Variants in BNIP5 observed in about 807,000 individuals in gnomAD.
BNIP5 encodes BCL2 interacting protein 5, also known as protein BNIP5.
A neutral mutation model predicts 67.3 loss-of-function variants in BNIP5; 61 were observed. The ratio of observed to expected loss-of-function variants is 0.91; its 90% confidence interval spans 0.74 to 1.12. The LOEUF (loss-of-function observed/expected upper bound fraction) is 1.12. Among genes scored for constraint, BNIP5 ranks in the 50% most tolerant of loss-of-function variants. The pLI, the probability that BNIP5 is intolerant of heterozygous loss-of-function variation, is 0.00. For synonymous variants in BNIP5, 317 were observed against 319.0 expected, an observed-to-expected ratio of 0.99 and a Z score of 0.07; for missense variants, 826 against 816.3, an observed-to-expected ratio of 1.01 and a Z score of -0.14.
At chr6:36,321,057 C>T in intron 10 of BNIP5, 98 bp downstream of exon 10, 2 of 726,060 alleles carry the variant, frequency 2.8e-6, no homozygotes, top group Non-Finnish European at 4.8e-6. Flanking sequence ...GGTTAAGGGA[C>T]ATGCTCAAAG....
At chr6:36,325,443 G>C in intron 5 of BNIP5, 29 bp from the exon 6 acceptor site, 2 of 1,594,764 alleles carry the variant, frequency 1.3e-6, no homozygotes, top group Non-Finnish European at 1.7e-6. Context: ...ACGAGGGTGT[G>C]TTTTGTCTGT....
At chr6:36,324,035 A>C (rs1356932434) in intron 7 of BNIP5, 94 bp downstream of exon 7, 6 of 907,060 alleles carry the variant, frequency 6.6e-6, no homozygotes, top group African/African-American at 3.3e-5. Context: ...GGAGCAGGAC[A>C]CAGAAGAGCA....
chr6:36,327,111 G>A lies in BNIP5; in HGVS notation c.728-17C>T. The A allele has an allele frequency of 6.2e-7, 1 of 1,609,076 alleles. No homozygotes were observed. Among genetic ancestry groups the A allele is most frequent in the Non-Finnish European group, 8.5e-7 (1 of 1,175,454 alleles). On this transcript the variant is annotated splice_polypyrimidine_tract_variant and intron_variant, in intron 3 of 11. Transcript: ENST00000437635. The stretch of plus-strand genomic sequence containing the variant: ...TAGCATCCTCTGGAAGAAAGCAAAT[G>A]CATCCGGTTATTCTTTCTAAATGCA...
Position 36,321,219 on chromosome 6 carries a change from T to C in BNIP5, c.1604A>G (p.Lys535Arg), listed in dbSNP as rs374124518. The change falls in exon 10 of 12, where the codon AAG (lysine) becomes AGG (arginine). Residue 535 changes from lysine (K) to arginine (R), a missense_variant and splice_region_variant. By Grantham distance (26) the Lys-to-Arg change is conservative (BLOSUM62 2). Transcript: ENST00000437635. ...CACAAGCTTCTGGATGATGATCTCC[T>C]CTAAGGAAAAGAAAGGAGGATTGAG... ...APQLSGACES[K>R]EIIIQKLVAL... 13 of 1,594,104 alleles carry C rather than the reference T, an allele frequency of 8.2e-6. No individual in the cohort carries two copies. Among genetic ancestry groups the C allele is most frequent in the Non-Finnish European group, 1.1e-5 (13 of 1,169,322 alleles).
At chr6:36,321,764 G>A (rs1314188783) in intron 9 of BNIP5, among the ~76,000 whole-genome samples, 1 of 152,202 alleles carries the variant, frequency 6.6e-6, no homozygotes, top group Non-Finnish European at 1.5e-5. Flanking sequence ...CTGGAGTGCA[G>A]TGGCGCGATC....
rs762369495 is a variant in BNIP5 at position 36,330,199 on chromosome 6, G to A, written c.492C>T (p.His164=). 41 of 1,614,002 alleles carry A rather than the reference G, an allele frequency of 2.5e-5. No individual in the cohort carries two copies. The highest frequency in any genetic ancestry group is 1.7e-4 in the Admixed American group (10 of 59,984). The change falls in exon 2 of 12, where the codon CAC becomes CAT. Residue 164 remains histidine, a synonymous_variant. Coordinates refer to ENST00000437635, the MANE Select transcript of BNIP5 (RefSeq NM_001010903.5). ...GAGCTGCCTTAGTCACCTCGGCCGC[G>A]TGTTTCTTGTGACCTTGCTTCTTGC... ...PSRKKQGHKK[H]AAEVTKAAQD... is the part of the protein sequence containing the mutation.
Position 36,325,311 on chromosome 6 carries a change from C to T in BNIP5, c.1140G>A (p.Glu380=). The T allele has an allele frequency of 6.2e-7, 1 of 1,614,190 alleles. No homozygotes were observed. The highest frequency in any genetic ancestry group is 8.5e-7 in the Non-Finnish European group (1 of 1,180,022). ...ATTCCGAGGCTCTGTCCAGCGGAAG[C>T]TCCTCTCCAGGTTCCTGGCTCTCTG... ...TPSESQEPGE[E]LPLDRASEYK... Residue 380 remains glutamate, a synonymous_variant, in exon 6 of 12, where the codon GAG becomes GAA. Transcript: ENST00000437635.
chr6:36,331,837 C>T (rs949852323), intron 1 of BNIP5, among the ~76,000 whole-genome samples: 1 of 152,052 alleles, frequency 6.6e-6, no homozygotes, highest in African/African-American at 2.4e-5. Flanking sequence ...TCCTTTCTTT[C>T]TTTTACCCCC....
chr6:36,327,076 A>C lies in BNIP5; in HGVS notation c.746T>G (p.Met249Arg). 4.3e-6 allele frequency: 7 copies of C among 1,614,098 alleles called. No individual in the cohort carries two copies. The highest frequency in any genetic ancestry group is 5.9e-6 in the Non-Finnish European group (7 of 1,179,920). Residue 249 changes from methionine (M) to arginine (R), a missense_variant, in exon 4 of 12, where the codon ATG (methionine) becomes AGG (arginine). Coordinates refer to ENST00000437635, the MANE Select transcript of BNIP5 (RefSeq NM_001010903.5). Reference sequence around the variant, plus strand: ...CACTCTTTTGAGCAATTCCACTATCATCTGAATGATAGCATCCTCTGGAAG... The same window carrying C: ...CACTCTTTTGAGCAATTCCACTATCCTCTGAATGATAGCATCCTCTGGAAG... ...KKPDQDAIIQMIVELLKRVGD... is the reference protein window; with the variant it reads ...KKPDQDAIIQRIVELLKRVGD...
chr6:36,319,175 G>A lies in BNIP5; in HGVS notation c.1923+181C>T, dbSNP rs937065708. ...CAGTGAGGTTTCAGAAAAGAAAAAG[G>A]TTGTCATGGTTTAGAATTGTCTCAG... On this transcript the variant is annotated intron_variant, in intron 11 of 11. Coordinates refer to ENST00000437635, the MANE Select transcript of BNIP5 (RefSeq NM_001010903.5). 2.2e-4 allele frequency among the ~76,000 whole-genome samples: 34 copies of A among 152,180 alleles called. 1 individual carries two copies. Among genetic ancestry groups the A allele is most frequent in the Admixed American group, 1.9e-3 (29 of 15,278 alleles).
rs761640377 is a variant in BNIP5 at position 36,324,152 on chromosome 6, C to A, written c.1207G>T (p.Ala403Ser). 74 of 1,613,922 alleles carry A rather than the reference C, an allele frequency of 4.6e-5. No homozygotes were observed. Among genetic ancestry groups the A allele is most frequent in the Non-Finnish European group, 5.9e-5 (70 of 1,179,930 alleles). The change falls in exon 7 of 12, where the codon GCA (alanine) becomes TCA (serine). Residue 403 changes from alanine (A) to serine (S), a missense_variant. Physicochemically the swap from Ala to Ser is moderately conservative, Grantham distance 99. Transcript: ENST00000437635. ...ACCTCCTCTCCTTGCTGTTCTTCTG[C>A]ATCTTGGAGCATGGAAATGATCTTC... ...IQKIISMLQD[A>S]EEQQGEEQPQ...
intron 11 of BNIP5, among the ~76,000 whole-genome samples, chr6:36,317,923 T>C (rs1771554898): frequency 6.6e-6 from 1 of 152,170 alleles, no homozygotes; most frequent in African/African-American, 2.4e-5. Flanking sequence ...CTCAGATCGA[T>C]CTGTAAGCTA....
chr6:36,330,711 C>A lies in BNIP5; in HGVS notation c.-4-17G>T. The stretch of plus-strand genomic sequence containing the variant: ...TCCATCGGGCTGCAACCAAAACACA[C>A]AGCTCCCTTAGTTTTTTTGTTTGTT... On this transcript the variant is annotated splice_polypyrimidine_tract_variant and intron_variant, in intron 1 of 11. Coordinates refer to ENST00000437635, the MANE Select transcript of BNIP5 (RefSeq NM_001010903.5). 6.5e-7 allele frequency: 1 copy of A among 1,530,232 alleles called. No homozygotes were observed. Among genetic ancestry groups the A allele is most frequent in the Non-Finnish European group, 8.7e-7 (1 of 1,149,730 alleles). 94.8% of individuals were successfully genotyped at this position (1,530,232 alleles called of 1,614,324 possible).
At chr6:36,327,224 G>A (rs1771785769) in intron 3 of BNIP5, 130 bp from the exon 4 acceptor site, 1 of 797,524 alleles carries the variant, frequency 1.3e-6, no homozygotes, top group Admixed American at 2.3e-5. Context: ...CCACATCCCA[G>A]GGGCAGGTTC....
In BNIP5 at chr6:36,324,155, C is replaced by A; in HGVS notation, c.1204G>T (p.Asp402Tyr). 2 of 1,614,090 alleles carry A rather than the reference C, an allele frequency of 1.2e-6. No homozygotes were observed. The highest frequency in any genetic ancestry group is 1.7e-6 in the Non-Finnish European group (2 of 1,179,960). Residue 402 changes from aspartate (D) to tyrosine (Y), a missense_variant, in exon 7 of 12, where the codon GAT (aspartate) becomes TAT (tyrosine). Asp to Tyr is a radical substitution (Grantham distance 160). Transcript: ENST00000437635. Reference sequence around the variant, plus strand: ...TCCTCTCCTTGCTGTTCTTCTGCATCTTGGAGCATGGAAATGATCTTCTGA... The same window carrying A: ...TCCTCTCCTTGCTGTTCTTCTGCATATTGGAGCATGGAAATGATCTTCTGA... Reference protein sequence around the residue: ...FIQKIISMLQDAEEQQGEEQP... With the variant: ...FIQKIISMLQYAEEQQGEEQP...
At chr6:36,319,711 G>T in intron 10 of BNIP5, 101 bp from the exon 11 acceptor site, 1 of 1,384,780 alleles carries the variant, frequency 7.2e-7, no homozygotes. Flanking sequence ...GGCACTCCTT[G>T]TCCCTGGGAT....
chr6:36,332,701 C>CA (rs372834920), intron 1 of BNIP5, among the ~76,000 whole-genome samples: 4,993 of 147,496 alleles, frequency 0.034, 205 homozygotes, highest in South Asian at 0.15. Context: ...TGAAAAATGA[C>CA]AAAAAAAAAA....
chr6:36,335,309 T>A (rs1406361301), intron 1 of BNIP5, among the ~76,000 whole-genome samples: 2 of 152,264 alleles, frequency 1.3e-5, no homozygotes, highest in East Asian at 3.9e-4. Flanking sequence ...CACCCCATGA[T>A]TCACACAATA....
At position 36,326,613 on chromosome 6, in the gene BNIP5, C is replaced by G. The variant is rs775047253; in HGVS notation, c.933G>C (p.Arg311Ser). The G allele has an allele frequency of 4.3e-6, 7 of 1,614,134 alleles. No individual in the cohort carries two copies. The highest frequency in any genetic ancestry group is 3.3e-5 in the Admixed American group (2 of 60,010). ...CTGGACTGGAAACATCTGCAGCCCC[C>G]CTCTTGGCCTCCTCGGAGCCGTGTT... ...PKKHGSEEAK[R>S]GAADVSSPEA... is the part of the protein sequence containing the mutation. Residue 311 changes from arginine to serine, a missense_variant, in exon 5 of 12, where the codon AGG becomes AGC. By Grantham distance (110) the Arg-to-Ser change is moderately radical. Transcript: ENST00000437635.
Sources: allele counts gnomAD v4.1 joint callset (sites outside exome capture counted in the v4.1 genomes callset), GRCh38; gene constraint gnomAD v4.1.1; transcripts MANE v1.5; gene names NCBI Gene and HGNC (gene_info 2026-07-23, HGNC 2026-07-21).